Variants in EPHA6 observed in about 807,000 individuals in gnomAD.
EPHA6 encodes EPH receptor A6, also known as ephrin type-A receptor 6.
Under a neutral mutation model 112.0 loss-of-function variants are expected in EPHA6, and 50 were observed. The ratio of observed to expected loss-of-function variants is 0.45; its 90% CI spans 0.36 to 0.56. EPHA6 has a LOEUF of 0.56. Among genes scored for constraint, EPHA6 ranks in the 20% least tolerant of loss-of-function variants. EPHA6 has a pLI of 0.00. For missense variants in EPHA6, 1,280 were observed against 1,417.4 expected (o/e 0.90, Z 1.56); for synonymous variants, 529 against 490.7 (o/e 1.08, Z -1.03).
At position 97,177,112 on chromosome 3, in the gene EPHA6, CTTA is replaced by C. The variant is rs558024824; in HGVS notation, c.1115-49148_1115-49146del. Reference sequence around the variant, plus strand: ...TTTGATAAAAGAATTTTTCAGTTTTCTTATTAATTTCTTCATTGACCCACTGTT... The same window carrying C: ...TTTGATAAAAGAATTTTTCAGTTTTCTTAATTTCTTCATTGACCCACTGTT... On this transcript the variant is annotated intron_variant, in intron 3 of 17. Transcript: ENST00000389672. Among the ~76,000 whole-genome samples the C allele has an allele frequency of 5.9e-5, 9 of 151,786 alleles. No homozygotes were observed. The East Asian group carries it at 1.4e-3, about 23-fold the overall frequency.
intron 14 of EPHA6, among the ~76,000 whole-genome samples, chr3:97,664,783 C>G (rs1413660250): frequency 6.6e-6 from 1 of 152,088 alleles, no homozygotes; most frequent in East Asian, 1.9e-4. Flanking sequence ...AGGACCTCTT[C>G]AAGGAGAACT....
intron 10 of EPHA6, 113 bp from the exon 11 acceptor site, chr3:97,532,245 A>G (rs2092703586): frequency 2.3e-6 from 2 of 853,284 alleles, no homozygotes; most frequent in Non-Finnish European, 3.6e-6. Flanking sequence ...ATATGAAAAT[A>G]ACATACTTAA....
At chr3:96,989,584 A>G (rs2043143643) in intron 3 of EPHA6, among the ~76,000 whole-genome samples, 1 of 152,154 alleles carries the variant, frequency 6.6e-6, no homozygotes, top group Non-Finnish European at 1.5e-5. Flanking sequence ...AGACTGGGTA[A>G]TTTATGAAGG....
intron 11 of EPHA6, among the ~76,000 whole-genome samples, chr3:97,548,505 A>G (rs1171527509): frequency 6.6e-6 from 1 of 152,092 alleles, no homozygotes; most frequent in African/African-American, 2.4e-5. Flanking sequence ...TTTATCATCC[A>G]TCCATAATTT....
At chr3:97,068,570 T>TA (rs1279074137) in intron 3 of EPHA6, among the ~76,000 whole-genome samples, 1 of 151,916 alleles carries the variant, frequency 6.6e-6, no homozygotes, top group Non-Finnish European at 1.5e-5. Context: ...TAAAAAGAAA[T>TA]ACTTCTTGAC....
At chr3:97,541,727 GTT>G (rs59024112) in intron 11 of EPHA6, among the ~76,000 whole-genome samples, 30,808 of 131,784 alleles carry the variant, frequency 0.23, 4,262 homozygotes, top group African/African-American at 0.4. Context: ...TCTTTTTTTT[GTT>G]TTTTTTTTTT....
rs546979758 is a variant in EPHA6 at position 96,945,367 on chromosome 3, G to A, written c.451-41963G>A. On this transcript the variant is annotated intron_variant, in intron 2 of 17. Coordinates refer to ENST00000389672, the MANE Select transcript of EPHA6 (RefSeq NM_001080448.3). ...ATGAAGTAGTCTGCACTCACTCTGT[G>A]TTGTCTGAACTGCAAAGCCAGGCAA... Among the ~76,000 whole-genome samples, 4 of 152,284 alleles carry A rather than the reference G, an allele frequency of 2.6e-5. No individual in the cohort carries two copies. The South Asian group carries it at 8.3e-4, about 32-fold the overall frequency.
intron 2 of EPHA6, among the ~76,000 whole-genome samples, chr3:96,904,857 CAAAT>C (rs2038842069): frequency 2.0e-5 from 3 of 151,996 alleles, no homozygotes; most frequent in African/African-American, 7.2e-5. Flanking sequence ...AATTAGCTAT[CAAAT>C]AAATTAAAAC....
chr3:97,503,159 A>G (rs1263088643), intron 10 of EPHA6, among the ~76,000 whole-genome samples: 1 of 152,138 alleles, frequency 6.6e-6, no homozygotes, highest in Non-Finnish European at 1.5e-5. Flanking sequence ...GGAAAATTAT[A>G]TATTACAAAA....
chr3:97,684,276 A>G (rs950372417), intron 14 of EPHA6, among the ~76,000 whole-genome samples: 8 of 152,208 alleles, frequency 5.3e-5, no homozygotes, highest in Non-Finnish European at 1.0e-4. Flanking sequence ...ATAAGAAAAG[A>G]AGCAAATTTA....
At chr3:96,938,114 C>A (rs1202721744) in intron 2 of EPHA6, among the ~76,000 whole-genome samples, 2 of 151,028 alleles carry the variant, frequency 1.3e-5, no homozygotes, top group African/African-American at 2.4e-5. Flanking sequence ...TCCATATGAA[C>A]TTTAAAGTAG....
chr3:97,124,486 AAAGAAAGAAAG>A (rs1283445084), intron 3 of EPHA6, among the ~76,000 whole-genome samples: 2 of 151,050 alleles, frequency 1.3e-5, no homozygotes, highest in African/African-American at 4.9e-5. Context: ...AGAAAGAAAG[AAAGAAAGAAAG>A]AAAGAGAAAG....
chr3:97,578,189 T>A (rs1248238805), intron 11 of EPHA6, among the ~76,000 whole-genome samples: 1 of 152,098 alleles, frequency 6.6e-6, no homozygotes, highest in Non-Finnish European at 1.5e-5. Context: ...AAATAAAAAG[T>A]AGAAAAATTA....
intron 3 of EPHA6, among the ~76,000 whole-genome samples, chr3:97,057,345 G>A (rs1327243347): frequency 6.6e-6 from 1 of 152,216 alleles, no homozygotes; most frequent in African/African-American, 2.4e-5. Context: ...GCTTACTCAT[G>A]TAGCTGCATA....
At chr3:97,328,958 C>A (rs1430905860) in intron 5 of EPHA6, among the ~76,000 whole-genome samples, 1 of 151,938 alleles carries the variant, frequency 6.6e-6, no homozygotes, top group East Asian at 1.9e-4. Context: ...TAATGCTATC[C>A]CTCCCCTCTC....
chr3:96,907,964 T>C (rs546631760), intron 2 of EPHA6, among the ~76,000 whole-genome samples: 1 of 152,078 alleles, frequency 6.6e-6, no homozygotes, highest in Admixed American at 6.6e-5. Flanking sequence ...GCGAAGACCA[T>C]GGAGTGTACT....
At chr3:97,641,866 G>A (rs2094009286) in intron 14 of EPHA6, among the ~76,000 whole-genome samples, 1 of 151,896 alleles carries the variant, frequency 6.6e-6, no homozygotes, top group Admixed American at 6.6e-5. Flanking sequence ...CTGGGGGAGG[G>A]GCGCCCGCCA....
chr3:97,141,298 T>C (rs1414930212), intron 3 of EPHA6, among the ~76,000 whole-genome samples: 2 of 151,996 alleles, frequency 1.3e-5, no homozygotes, highest in Non-Finnish European at 1.5e-5. Context: ...ACAAAGGGCC[T>C]CTGGACTTAA....
chr3:96,832,637 C>G (rs368398949), intron 1 of EPHA6, among the ~76,000 whole-genome samples: 4 of 151,908 alleles, frequency 2.6e-5, no homozygotes, highest in African/African-American at 9.7e-5. Context: ...CAATATTGTG[C>G]CCAATATTGG....
Sources: gnomAD v4.1 joint callset for allele counts (sites outside exome capture counted in the v4.1 genomes callset) on GRCh38, gnomAD v4.1.1 for gene constraint, MANE v1.5 for transcripts, NCBI Gene and HGNC (gene_info 2026-07-23, HGNC 2026-07-21) for gene names.